ZBP1: variants seen among roughly 807,000 people sequenced by gnomAD.
ZBP1 encodes the protein Z-DNA-binding protein 1.
ZBP1 carries 42 observed loss-of-function variants against 41.1 expected under a neutral mutation model. That is an observed-to-expected ratio of 1.02 (90% CI 0.80 to 1.32). The LOEUF (loss-of-function observed/expected upper bound fraction) is 1.32. Among genes scored for constraint, ZBP1 ranks in the 40% most tolerant of loss-of-function variants. The pLI, the probability that ZBP1 is intolerant of heterozygous loss-of-function variation, is 0.00. For missense variants in ZBP1, 562 were observed against 549.7 expected, an observed-to-expected ratio of 1.02 and a Z score of -0.22; for synonymous variants, 214 against 205.2, an observed-to-expected ratio of 1.04 and a Z score of -0.37.
Position 57,610,604 on chromosome 20 carries a change from C to G in ZBP1, c.875-237G>C, listed in dbSNP as rs1469241108. 9 of 581,280 alleles carry G rather than the reference C, an allele frequency of 1.5e-5. No individual in the cohort carries two copies. Among genetic ancestry groups the G allele is most frequent in the Non-Finnish European group, 2.5e-5 (8 of 325,322 alleles). 36.0% of individuals were successfully genotyped at this position (581,280 alleles called of 1,614,324 possible). A position where few individuals can be genotyped will look rare whatever the true frequency, so the allele number is the denominator to read the frequency against. On this transcript the variant is annotated intron_variant, in intron 6 of 7. Coordinates refer to ENST00000371173, the MANE Select transcript of ZBP1 (RefSeq NM_030776.3). The surrounding 1 kb of genome is among the most constrained non-coding windows in gnomAD (Gnocchi z 5.5). Reference sequence around the variant, plus strand: ...CTGATCCCGCAGTGGGTCTGCCCCACTGATCCCGCCCGGCTGATCTGGACG... The same window carrying G: ...CTGATCCCGCAGTGGGTCTGCCCCAGTGATCCCGCCCGGCTGATCTGGACG...
In ZBP1 at chr20:57,615,053, G is replaced by A. The variant is rs1054125982; in HGVS notation, c.336C>T (p.Asp112=). ...CATTGTCTTTGAGAAACCTGTAGAT[G>A]TCTTCCTCTGGGAGGCAGGATGGCC... ...GPQFSQQREE[D]IYRFLKDNGP... Residue 112 remains aspartate (D), a synonymous_variant, in exon 4 of 8, where the codon GAC becomes GAT. Transcript: ENST00000371173. 6.2e-7 allele frequency: 1 copy of A among 1,614,192 alleles called. No homozygotes were observed. The highest frequency in any genetic ancestry group is 8.5e-7 in the Non-Finnish European group (1 of 1,180,032).
chr20:57,620,063 C>T (rs2070962562), intron 1 of ZBP1, among the ~76,000 whole-genome samples, 199 bp downstream of exon 1: 1 of 152,198 alleles, frequency 6.6e-6, no homozygotes, highest in South Asian at 2.1e-4. Context: ...TGTCAAACTC[C>T]TGAGCTTAAA....
chr20:57,606,173 T>C (rs1219204834), intron 7 of ZBP1, among the ~76,000 whole-genome samples: 1 of 152,224 alleles, frequency 6.6e-6, no homozygotes, highest in East Asian at 1.9e-4. Context: ...ACATGAGTGA[T>C]GAGAAAGTGA....
chr20:57,613,217 T>A lies in ZBP1; in HGVS notation c.616A>T (p.Ile206Phe), dbSNP rs775089092. Residue 206 changes from isoleucine (I) to phenylalanine (F), a missense_variant, in exon 5 of 8, where the codon ATC becomes TTC. Ile to Phe is a conservative substitution (Grantham distance 21). Coordinates refer to ENST00000371173, the MANE Select transcript of ZBP1 (RefSeq NM_030776.3). The surrounding 1 kb of genome is among the most constrained non-coding windows in gnomAD (Gnocchi z 4.5). Reference protein sequence around the residue: ...SWISIANSEAIQIGHGNIITR... With the variant: ...SWISIANSEAFQIGHGNIITR... ...ATGATGTTCCCGTGTCCAATCTGGA[T>A]GGCTTCGGAGTTTGCAATGGAAATC... 9.9e-6 allele frequency: 16 copies of A among 1,614,258 alleles called. No homozygotes were observed. The East Asian group carries it at 2.0e-4, about 20-fold the overall frequency.
rs779953552 is a variant in ZBP1, at chr20:57,610,135, GC to G, written c.1093+13del. 6.8e-6 allele frequency: 11 copies of G among 1,611,024 alleles called. No homozygotes were observed. Among genetic ancestry groups the G allele is most frequent in the Non-Finnish European group, 9.3e-6 (11 of 1,178,186 alleles). ...GAGAGAACACACAGGGGTCCACTCT[GC>G]CCCCTAGCTCACCTGCGTCCTCCCC... On this transcript the variant is annotated intron_variant, in intron 7 of 7. Transcript: ENST00000371173. The surrounding 1 kb of genome is among the most constrained non-coding windows in gnomAD (Gnocchi z 5.5).
In ZBP1 at chr20:57,613,175, A is replaced by G; in HGVS notation, c.658T>C (p.Ser220Pro). 6.2e-7 allele frequency: 1 copy of G among 1,613,932 alleles called. No homozygotes were observed. Among genetic ancestry groups the G allele is most frequent in the South Asian group, 1.1e-5 (1 of 91,066 alleles). Residue 220 changes from serine (S) to proline (P), a missense_variant, in exon 5 of 8, where the codon TCC becomes CCC. Transcript: ENST00000371173. The surrounding 1 kb of genome is among the most constrained non-coding windows in gnomAD (Gnocchi z 4.5). ...TTGGGTGACTTACCGTCCTCCCTGGAGACTGTCTGTCTTGTAATGATGTTC... is the reference window on the plus strand; with the variant it reads ...TTGGGTGACTTACCGTCCTCCCTGGGGACTGTCTGTCTTGTAATGATGTTC... ...HGNIITRQTV[S>P]REDGSAGPRH...
At position 57,610,476 on chromosome 20, in the gene ZBP1, C is replaced by T; in HGVS notation, c.875-109G>A. On this transcript the variant is annotated intron_variant, in intron 6 of 7. Transcript: ENST00000371173. The surrounding 1 kb of genome is among the most constrained non-coding windows in gnomAD (Gnocchi z 5.5). ...CCTCCCCAGATCTCCCACCAGTGGC[C>T]CACACCATCCCAGGAGCACAGCCTG... 4 of 1,141,260 alleles carry T rather than the reference C, an allele frequency of 3.5e-6. No individual in the cohort carries two copies. Among genetic ancestry groups the T allele is most frequent in the South Asian group, 2.8e-5 (2 of 71,348 alleles). 70.7% of individuals were successfully genotyped at this position (1,141,260 alleles called of 1,614,324 possible).
At position 57,604,203 on chromosome 20, in the gene ZBP1, GACTCAAAC is replaced by G. The variant is rs1166027301; in HGVS notation, c.*362_*369del. 11 of 372,988 alleles carry G rather than the reference GACTCAAAC, an allele frequency of 2.9e-5. No individual in the cohort carries two copies. Among genetic ancestry groups the G allele is most frequent in the Non-Finnish European group, 5.7e-5 (11 of 191,778 alleles). 23.1% of individuals were successfully genotyped at this position (372,988 alleles called of 1,614,324 possible). A position where few individuals can be genotyped will look rare whatever the true frequency, so the allele number is the denominator to read the frequency against. On this transcript the variant is annotated 3_prime_UTR_variant, in exon 8 of 8. Transcript: ENST00000371173. Reference sequence around the variant, plus strand: ...TATGTTTTGATATGAATTTTGTTGGGACTCAAACATTCAAACCACAGCAGGTAGCCATG... The same window carrying G: ...TATGTTTTGATATGAATTTTGTTGGGATTCAAACCACAGCAGGTAGCCATG...
intron 7 of ZBP1, chr20:57,607,058 T>C: frequency 7.7e-7 from 1 of 1,299,648 alleles, no homozygotes; most frequent in Non-Finnish European, 1.0e-6. Flanking sequence ...AACATTCACT[T>C]CTTATTCTTC....
intron 6 of ZBP1, among the ~76,000 whole-genome samples, chr20:57,611,212 G>T (rs576821611): frequency 2.0e-5 from 3 of 152,110 alleles, no homozygotes; most frequent in Non-Finnish European, 2.9e-5. Flanking sequence ...GCAGTGGGTC[G>T]TAGGGGATGG....
In ZBP1 at chr20:57,607,374, A is replaced by G. The variant is rs1005031496; in HGVS notation, c.1094-2605T>C. The G allele has an allele frequency of 3.3e-6, 4 of 1,225,048 alleles. No individual in the cohort carries two copies. The African/African-American group carries it at 6.3e-5, about 19-fold the overall frequency. 75.9% of individuals were successfully genotyped at this position (1,225,048 alleles called of 1,614,324 possible). On this transcript the variant is annotated intron_variant, in intron 7 of 7. Transcript: ENST00000371173. Reference sequence around the variant, plus strand: ...ATGAAGATGGGACTGAATTGCTGCAATCTCATGAGAAAGCTTGAACAGATG... The same window carrying G: ...ATGAAGATGGGACTGAATTGCTGCAGTCTCATGAGAAAGCTTGAACAGATG...
rs565214116 is a variant in ZBP1 at position 57,604,054 on chromosome 20, T to C, written c.*519A>G. 3.2e-3 allele frequency: 613 copies of C among 194,428 alleles called. 1 individual carries two copies. Among genetic ancestry groups the C allele is most frequent in the Admixed American group, 5.7e-3 (91 of 16,086 alleles). 12.0% of individuals were successfully genotyped at this position (194,428 alleles called of 1,614,324 possible). A position where few individuals can be genotyped will look rare whatever the true frequency, so the allele number is the denominator to read the frequency against. Reference sequence around the variant, plus strand: ...GGCTAATTTTTTGTATTTTTTTTTTTAGTAGAGACGGGGTTTCACCATGTT... The same window carrying C: ...GGCTAATTTTTTGTATTTTTTTTTTCAGTAGAGACGGGGTTTCACCATGTT... On this transcript the variant is annotated 3_prime_UTR_variant, in exon 8 of 8. Coordinates refer to ENST00000371173, the MANE Select transcript of ZBP1 (RefSeq NM_030776.3).
chr20:57,604,284 G>C lies in ZBP1; in HGVS notation c.*289C>G. On this transcript the variant is annotated 3_prime_UTR_variant, in exon 8 of 8. Coordinates refer to ENST00000371173, the MANE Select transcript of ZBP1 (RefSeq NM_030776.3). ...TGCCCCGAGCCCAGGAAAGAGTGGAGAGAGTCCCCTGGGCCTGGGGGACCG... is the reference window on the plus strand; with the variant it reads ...TGCCCCGAGCCCAGGAAAGAGTGGACAGAGTCCCCTGGGCCTGGGGGACCG... The C allele has an allele frequency of 1.8e-6, 1 of 568,476 alleles. No individual in the cohort carries two copies. Among genetic ancestry groups the C allele is most frequent in the Non-Finnish European group, 3.3e-6 (1 of 301,316 alleles). 35.2% of individuals were successfully genotyped at this position (568,476 alleles called of 1,614,324 possible). A position where few individuals can be genotyped will look rare whatever the true frequency, so the allele number is the denominator to read the frequency against.
At chr20:57,607,967 G>T (rs2070538575) in intron 7 of ZBP1, among the ~76,000 whole-genome samples, 1 of 152,116 alleles carries the variant, frequency 6.6e-6, no homozygotes, top group Non-Finnish European at 1.5e-5. Context: ...GGGTGTTCTG[G>T]AACTCACCCA....
intron 7 of ZBP1, among the ~76,000 whole-genome samples, chr20:57,606,350 A>G (rs1404064474): frequency 6.6e-6 from 1 of 152,214 alleles, no homozygotes; most frequent in Non-Finnish European, 1.5e-5. Flanking sequence ...GTTGGAAGTG[A>G]GCAGAGGTTG....
intron 5 of ZBP1, 178 bp downstream of exon 5, chr20:57,612,985 A>G: frequency 6.9e-7 from 1 of 1,450,308 alleles, no homozygotes; most frequent in Non-Finnish European, 9.0e-7. Context: ...GAGAGCTTTG[A>G]TCCAGGTGTC....
At position 57,615,669 on chromosome 20, in the gene ZBP1, A is replaced by G. The variant is rs141946932; in HGVS notation, c.260-89T>C. On this transcript the variant is annotated intron_variant, in intron 2 of 7. Transcript: ENST00000371173. ...CAAAGGTGGGCAGCTCCCTAGGGGT[A>G]AGTGGCAATGCCGGTAGTTGCAAAC... 1.1e-3 allele frequency: 1,219 copies of G among 1,150,920 alleles called. 8 individuals are homozygous for G. In the African/African-American group the frequency reaches 0.017, roughly 16 times the overall value. 71.3% of individuals were successfully genotyped at this position (1,150,920 alleles called of 1,614,324 possible).
intron 1 of ZBP1, among the ~76,000 whole-genome samples, chr20:57,619,173 C>T (rs1253799275): frequency 1.3e-5 from 2 of 152,212 alleles, no homozygotes; most frequent in Non-Finnish European, 2.9e-5. Context: ...GAGGAAGCTC[C>T]ACAGGACCTC....
chr20:57,606,950 C>T, intron 7 of ZBP1: 1 of 1,175,560 alleles, frequency 8.5e-7, no homozygotes, highest in Non-Finnish European at 1.1e-6. Context: ...ACCTGTTCAT[C>T]CACGGGCTCT....
Sources: allele counts gnomAD v4.1 joint callset (sites outside exome capture counted in the v4.1 genomes callset), GRCh38; gene constraint gnomAD v4.1.1; non-coding constraint Gnocchi (gnomAD v3.1); transcripts MANE v1.5; gene names NCBI Gene and HGNC (gene_info 2026-07-23, HGNC 2026-07-21).